Variants in DCDC1 observed in about 807,000 individuals in gnomAD.
The protein encoded by DCDC1 is doublecortin domain-containing protein 1.
DCDC1 carries 200 observed loss-of-function variants against 178.3 expected under a neutral mutation model. That is an observed-to-expected ratio of 1.12 (90% confidence interval 1.00 to 1.26). The LOEUF (loss-of-function observed/expected upper bound fraction) is 1.26. Ranked by LOEUF, DCDC1 falls within the 50% of genes most tolerant of loss-of-function variation. The probability of loss-of-function intolerance (pLI) is 0.00; values close to 1 mark genes in which losing one functional copy is unlikely to be tolerated. For synonymous variants in DCDC1, 690 were observed against 604.8 expected, an observed-to-expected ratio of 1.14 and a Z score of -2.07; for missense variants, 1,983 against 1,749.2, an observed-to-expected ratio of 1.13 and a Z score of -2.38.
intron 22 of DCDC1, among the ~76,000 whole-genome samples, chr11:30,931,312 G>C (rs1261653742): frequency 6.6e-6 from 1 of 151,998 alleles, no homozygotes; most frequent in Non-Finnish European, 1.5e-5. Flanking sequence ...TTCCAAGGAA[G>C]ACTATAAATT....
chr11:31,187,110 T>C (rs1171700426), intron 9 of DCDC1, among the ~76,000 whole-genome samples: 1 of 152,178 alleles, frequency 6.6e-6, no homozygotes, highest in Non-Finnish European at 1.5e-5. Flanking sequence ...TCAACATACA[T>C]ATCCAGAATG....
intron 9 of DCDC1, among the ~76,000 whole-genome samples, chr11:31,191,321 T>C (rs913072954): frequency 1.3e-5 from 2 of 152,112 alleles, no homozygotes; most frequent in Admixed American, 1.3e-4. Flanking sequence ...TGGAAAATTT[T>C]GTTTCTGGTC....
At chr11:31,068,761 T>C (rs987873910) in intron 18 of DCDC1, among the ~76,000 whole-genome samples, 18 of 152,198 alleles carry the variant, frequency 1.2e-4, no homozygotes, top group Admixed American at 1.2e-3. Flanking sequence ...TGCATAATAA[T>C]TTTTGGGAAT....
At chr11:30,886,341 A>G (rs960111931) in intron 36 of DCDC1, among the ~76,000 whole-genome samples, 4 of 152,168 alleles carry the variant, frequency 2.6e-5, no homozygotes, top group Non-Finnish European at 5.9e-5. Flanking sequence ...CAGTAGATTC[A>G]TATGGTTTTA....
intron 15 of DCDC1, among the ~76,000 whole-genome samples, chr11:31,095,160 G>A (rs904048546): frequency 6.6e-6 from 1 of 152,094 alleles, no homozygotes; most frequent in Non-Finnish European, 1.5e-5. Flanking sequence ...GTGTATATGT[G>A]CCACATTTTC....
intron 3 of DCDC1, among the ~76,000 whole-genome samples, chr11:31,309,288 A>T (rs1398701417): frequency 6.6e-6 from 1 of 151,980 alleles, no homozygotes; most frequent in African/African-American, 2.4e-5. Context: ...GACTGAGTAC[A>T]GTACTGGGGA....
At chr11:31,299,871 T>G (rs1947968276) in intron 6 of DCDC1, among the ~76,000 whole-genome samples, 1 of 152,190 alleles carries the variant, frequency 6.6e-6, no homozygotes, top group South Asian at 2.1e-4. Context: ...TTTATTTATT[T>G]TTTTTGAGAC....
At chr11:31,196,612 G>C (rs1970724546) in intron 9 of DCDC1, among the ~76,000 whole-genome samples, 1 of 152,050 alleles carries the variant, frequency 6.6e-6, no homozygotes, top group Admixed American at 6.6e-5. Flanking sequence ...CCAAATGGAA[G>C]ACATGCATAG....
chr11:31,361,298 G>A lies in DCDC1; in HGVS notation c.-125+8399C>T, dbSNP rs1337970666. On this transcript the variant is annotated intron_variant, in intron 1 of 38. Coordinates refer to ENST00000684477, the MANE Select transcript of DCDC1 (RefSeq NM_001387274.1). The stretch of plus-strand genomic sequence containing the variant: ...GATCCAAGATGGCATGCATCTGCAA[G>A]GGATGGAATTCCACAGATAAAACCA... Among the ~76,000 whole-genome samples the A allele has an allele frequency of 2.6e-5, 4 of 152,190 alleles. No individual in the cohort carries two copies. In the East Asian group the frequency reaches 7.7e-4, roughly 29 times the overall value.
Position 30,905,003 on chromosome 11 carries a change from C to A in DCDC1, c.4266G>T (p.Gly1422=). ...CCACAATTAACTTCCCATTACGATA[C>A]CCATCCCCATTTTTGTATGCAATTA... ...VKIIAYKNGD[G]YRNGKLIVAG... is the part of the protein sequence containing the mutation. The change falls in exon 31 of 39, where the codon GGG becomes GGT. Residue 1422 remains glycine (G), a synonymous_variant. Transcript: ENST00000684477. 6.2e-7 allele frequency: 1 copy of A among 1,613,830 alleles called. No homozygotes were observed. The highest frequency in any genetic ancestry group is 2.2e-5 in the East Asian group (1 of 44,876).
intron 9 of DCDC1, among the ~76,000 whole-genome samples, chr11:31,212,693 G>A (rs1972720021): frequency 6.6e-6 from 1 of 152,034 alleles, no homozygotes; most frequent in South Asian, 2.1e-4. Flanking sequence ...ATTTATCTTT[G>A]GATACAATGT....
intron 9 of DCDC1, among the ~76,000 whole-genome samples, chr11:31,159,441 G>T (rs1475387925): frequency 6.6e-6 from 1 of 152,060 alleles, no homozygotes; most frequent in Non-Finnish European, 1.5e-5. Context: ...CATTTATAGA[G>T]AAATCAGAGC....
intron 15 of DCDC1, among the ~76,000 whole-genome samples, chr11:31,096,413 G>A (rs936729894): frequency 1.3e-5 from 2 of 152,178 alleles, no homozygotes; most frequent in Non-Finnish European, 2.9e-5. Context: ...GCAGAAGATT[G>A]TTTTGACTGA....
chr11:31,335,555 TATTTGCA>T lies in DCDC1; in HGVS notation c.-122_-116del, dbSNP rs1382942112. On this transcript the variant is annotated splice_region_variant and 5_prime_UTR_variant, in exon 2 of 39. The change abolishes the stop of an existing upstream ORF in the 5' untranslated region. Transcript: ENST00000684477. Reference sequence around the variant, plus strand: ...CTTGGAATGGAATCTGGAATTTTCTTATTTGCAATCTGGAAAATAGAGTAACACACAC... The same window carrying T: ...CTTGGAATGGAATCTGGAATTTTCTTATCTGGAAAATAGAGTAACACACAC... 6.6e-6 allele frequency: 1 copy of T among 152,278 alleles called. No homozygotes were observed. 9.4% of individuals were successfully genotyped at this position (152,278 alleles called of 1,614,324 possible).
At chr11:31,227,034 T>C (rs115000150) in intron 9 of DCDC1, among the ~76,000 whole-genome samples, 131 of 152,184 alleles carry the variant, frequency 8.6e-4, no homozygotes, top group African/African-American at 2.6e-3. Flanking sequence ...AGATGGAGTA[T>C]AAAAAGCTAA....
intron 11 of DCDC1, among the ~76,000 whole-genome samples, chr11:31,117,048 T>C (rs1317731199): frequency 6.6e-6 from 1 of 152,148 alleles, no homozygotes; most frequent in African/African-American, 2.4e-5. Flanking sequence ...CCTCAAAATA[T>C]CTCTCCCACC....
At chr11:31,186,928 T>C (rs960538351) in intron 9 of DCDC1, among the ~76,000 whole-genome samples, 1 of 152,176 alleles carries the variant, frequency 6.6e-6, no homozygotes, top group Non-Finnish European at 1.5e-5. Flanking sequence ...CCTCTCCCAT[T>C]TTTCCCTCAC....
At chr11:31,295,440 T>C (rs1947620201) in intron 6 of DCDC1, among the ~76,000 whole-genome samples, 1 of 152,126 alleles carries the variant, frequency 6.6e-6, no homozygotes, top group Admixed American at 6.5e-5. Context: ...GTCCTGGCTG[T>C]GACCATTGCA....
chr11:30,932,206 T>C (rs921350257), intron 21 of DCDC1, among the ~76,000 whole-genome samples: 5 of 7,460 alleles, frequency 6.7e-4, no homozygotes, highest in Admixed American at 2.2e-3. Flanking sequence ...CAGAGAAACA[T>C]CATTCTCGAA....
Sources: gnomAD v4.1 joint callset for allele counts (sites outside exome capture counted in the v4.1 genomes callset) on GRCh38, gnomAD v4.1.1 for gene constraint, MANE v1.5 for transcripts, NCBI Gene and HGNC (gene_info 2026-07-23, HGNC 2026-07-21) for gene names.